Variants in SND1 observed in about 807,000 individuals in gnomAD.
SND1 encodes the protein staphylococcal nuclease and tudor domain containing 1.
In SND1, 38 loss-of-function variants were observed where a neutral mutation model predicts 121.7. The ratio of observed to expected loss-of-function variants is 0.31; its 90% CI spans 0.24 to 0.41. The LOEUF (loss-of-function observed/expected upper bound fraction) is 0.41, where lower values mean the gene tolerates loss of function less well. Among genes scored for constraint, SND1 ranks in the 10% least tolerant of loss-of-function variants. The pLI is 1.00. For missense variants in SND1, 868 were observed against 1,184.6 expected (o/e 0.73, Z 3.92); for synonymous variants, 401 against 447.4 (o/e 0.90, Z 1.31).
intron 13 of SND1, among the ~76,000 whole-genome samples, chr7:127,897,249 C>T (rs753545731): frequency 2.0e-5 from 3 of 152,066 alleles, no homozygotes; most frequent in Non-Finnish European, 2.9e-5. Flanking sequence ...TGGGCTATGG[C>T]AATGAATTTT....
chr7:127,799,894 G>A (rs1246150659), intron 10 of SND1, among the ~76,000 whole-genome samples: 1 of 152,188 alleles, frequency 6.6e-6, no homozygotes, highest in East Asian at 1.9e-4. Context: ...GAATACTTAG[G>A]TATCTTAGGA....
chr7:127,807,520 C>G lies in SND1; in HGVS notation c.1189C>G (p.Pro397Ala). The change falls in exon 11 of 24, where the codon CCT (proline) becomes GCT (alanine). Residue 397 changes from proline (P) to alanine (A), a missense_variant. Transcript: ENST00000354725. ...NKKLRPLYDI[P>A]YMFEAREFLR... ...GAAACTGCGTCCCCTGTATGACATT[C>G]CTTACATGTTTGAGGCCCGGGAATT... 1 of 1,613,986 alleles carries G rather than the reference C, an allele frequency of 6.2e-7. No homozygotes were observed. Among genetic ancestry groups the G allele is most frequent in the Non-Finnish European group, 8.5e-7 (1 of 1,179,924 alleles).
At chr7:127,903,023 A>G (rs1175397189) in intron 13 of SND1, among the ~76,000 whole-genome samples, 2 of 152,074 alleles carry the variant, frequency 1.3e-5, no homozygotes, top group African/African-American at 4.8e-5. Context: ...CTGGGATTCC[A>G]GGTACCTGCC....
At chr7:127,680,817 A>G (rs566640115) in intron 1 of SND1, among the ~76,000 whole-genome samples, 2 of 151,788 alleles carry the variant, frequency 1.3e-5, no homozygotes, top group Admixed American at 1.3e-4. Context: ...GGCATAGGAA[A>G]TCACAAGGGT....
At chr7:127,721,439 C>A in intron 10 of SND1, 39 bp downstream of exon 10, 1 of 1,191,274 alleles carries the variant, frequency 8.4e-7, no homozygotes, top group Non-Finnish European at 1.2e-6. Context: ...TTGCATAAAC[C>A]AAAAGGAAGA....
At chr7:127,863,439 CA>C (rs1030666344) in intron 12 of SND1, among the ~76,000 whole-genome samples, 1 of 151,402 alleles carries the variant, frequency 6.6e-6, no homozygotes, top group African/African-American at 2.4e-5. Context: ...TTTCTTCCCT[CA>C]AAAAAAAATT....
chr7:127,839,718 A>G (rs1798929045), intron 11 of SND1, among the ~76,000 whole-genome samples: 1 of 152,184 alleles, frequency 6.6e-6, no homozygotes, highest in African/African-American at 2.4e-5. Context: ...AAAATTCTAT[A>G]ATCTAATAGA....
intron 4 of SND1, among the ~76,000 whole-genome samples, chr7:127,699,313 A>G (rs1465634375): frequency 6.6e-6 from 1 of 152,230 alleles, no homozygotes; most frequent in African/African-American, 2.4e-5. Context: ...CACTGAGAAT[A>G]TAGTGTGAAT....
chr7:127,882,428 G>GA (rs1330380774), intron 12 of SND1, among the ~76,000 whole-genome samples: 33 of 123,894 alleles, frequency 2.7e-4, no homozygotes, highest in Non-Finnish European at 4.2e-4. Flanking sequence ...GAGGAGAGGA[G>GA]GGGAGGGGAG....
chr7:128,082,411 G>A (rs1175111780), intron 18 of SND1, among the ~76,000 whole-genome samples: 3 of 152,198 alleles, frequency 2.0e-5, no homozygotes, highest in East Asian at 1.9e-4. Context: ...CCCCAGGTCC[G>A]CTCCAGCCCC....
chr7:127,815,514 G>T (rs1249076678), intron 11 of SND1, among the ~76,000 whole-genome samples: 1 of 151,940 alleles, frequency 6.6e-6, no homozygotes, highest in African/African-American at 2.4e-5. Flanking sequence ...GGAGGAGGAG[G>T]GGAGAAGAAG....
intron 13 of SND1, among the ~76,000 whole-genome samples, chr7:127,896,747 C>G (rs762403399): frequency 6.6e-6 from 1 of 152,106 alleles, no homozygotes; most frequent in Non-Finnish European, 1.5e-5. Context: ...CTGTCTCTTT[C>G]CCCCTTCCTC....
intron 15 of SND1, among the ~76,000 whole-genome samples, chr7:127,945,877 G>A (rs114332864): frequency 1.1e-3 from 172 of 152,268 alleles, no homozygotes; most frequent in African/African-American, 3.9e-3. Context: ...GAAAACTAAG[G>A]CCTGGGAAAG....
At chr7:128,007,280 G>T (rs1420892498) in intron 16 of SND1, among the ~76,000 whole-genome samples, 1 of 152,284 alleles carries the variant, frequency 6.6e-6, no homozygotes, top group East Asian at 1.9e-4. Context: ...TGGCAAGAGG[G>T]AGGGAAAAGA....
intron 15 of SND1, among the ~76,000 whole-genome samples, chr7:127,977,861 A>C (rs964193223): frequency 6.6e-6 from 1 of 152,186 alleles, no homozygotes; most frequent in Non-Finnish European, 1.5e-5. Context: ...AGGGAAGAAG[A>C]TAAGAGAGGT....
intron 1 of SND1, among the ~76,000 whole-genome samples, chr7:127,667,969 A>T (rs866060147): frequency 6.6e-6 from 1 of 152,216 alleles, no homozygotes. Context: ...AAGTTATATG[A>T]CTGCTAGTCA....
At chr7:127,683,955 G>A (rs1795771032) in intron 1 of SND1, among the ~76,000 whole-genome samples, 1 of 152,228 alleles carries the variant, frequency 6.6e-6, no homozygotes, top group South Asian at 2.1e-4. Flanking sequence ...ATACAAAGGA[G>A]TTTTGCACAA....
intron 1 of SND1, among the ~76,000 whole-genome samples, chr7:127,673,162 A>G (rs1795554873): frequency 6.8e-6 from 1 of 146,782 alleles, no homozygotes; most frequent in Admixed American, 6.8e-5. Context: ...TATATAATAT[A>G]TATCATATAT....
chr7:128,003,402 C>CT (rs1802883829), intron 16 of SND1, among the ~76,000 whole-genome samples: 2 of 152,122 alleles, frequency 1.3e-5, no homozygotes, highest in South Asian at 4.1e-4. Context: ...TTAACATATG[C>CT]CTTCCTCTTC....
Sources: gnomAD v4.1 joint callset for allele counts (sites outside exome capture counted in the v4.1 genomes callset) on GRCh38, gnomAD v4.1.1 for gene constraint, MANE v1.5 for transcripts, NCBI Gene and HGNC (gene_info 2026-07-23, HGNC 2026-07-21) for gene names.